Variants in PNLIP observed in about 807,000 individuals in gnomAD.
PNLIP encodes the protein pancreatic triacylglycerol lipase.
A neutral mutation model predicts 57.1 loss-of-function variants in PNLIP; 49 were observed. That is an observed-to-expected ratio of 0.86 (90% confidence interval 0.68 to 1.09). The LOEUF is 1.09. Among genes scored for constraint, PNLIP ranks in the 50% least tolerant of loss-of-function variants. The pLI is 0.00. For missense variants in PNLIP, 503 were observed against 570.2 expected, an observed-to-expected ratio of 0.88 and a Z score of 1.20; for synonymous variants, 209 against 200.4, an observed-to-expected ratio of 1.04 and a Z score of -0.36.
intron 12 of PNLIP, among the ~76,000 whole-genome samples, chr10:116,563,132 T>C (rs1847331398): frequency 6.6e-6 from 1 of 152,210 alleles, no homozygotes. Flanking sequence ...TAAACCTGTA[T>C]CCATTTGCTT....
At chr10:116,558,457 G>T (rs1455781248) in intron 9 of PNLIP, among the ~76,000 whole-genome samples, 1 of 151,840 alleles carries the variant, frequency 6.6e-6, no homozygotes, top group Admixed American at 6.6e-5. Context: ...GCCTCCCAAA[G>T]TGCTGGGATT....
Position 116,553,753 on chromosome 10 carries a change from T to A in PNLIP, c.486T>A (p.Asn162Lys), listed in dbSNP as rs2915748. Residue 162 changes from asparagine to lysine, a missense_variant, in exon 6 of 13, where the codon AAT becomes AAA. Coordinates refer to ENST00000369221, the MANE Select transcript of PNLIP (RefSeq NM_000936.4). ...CGGCGTTCGGTTACTCACCTTCCAA[T>A]GTGCATGTCATTGGCCACAGCCTGG... ...LQSAFGYSPSNVHVIGHSLGA... is the reference protein window; with the variant it reads ...LQSAFGYSPSKVHVIGHSLGA... The A allele has an allele frequency of 3.1e-6, 5 of 1,612,586 alleles. No individual in the cohort carries two copies. The African/African-American group carries it at 5.3e-5, about 17-fold the overall frequency.
intron 9 of PNLIP, among the ~76,000 whole-genome samples, chr10:116,556,730 G>GTT (rs375653295): frequency 2.1e-5 from 3 of 145,182 alleles, no homozygotes; most frequent in African/African-American, 7.6e-5. Flanking sequence ...TATTGTCTGG[G>GTT]TTTTTTTTTT....
At chr10:116,563,989 G>A (rs914114725) in intron 12 of PNLIP, among the ~76,000 whole-genome samples, 5 of 152,070 alleles carry the variant, frequency 3.3e-5, no homozygotes, top group African/African-American at 1.2e-4. Flanking sequence ...CCCTAACAAA[G>A]AAGGGACAGA....
rs768822207 is a variant in PNLIP at position 116,555,285 on chromosome 10, G to A, written c.679G>A (p.Val227Ile). The A allele has an allele frequency of 6.2e-7, 1 of 1,614,156 alleles. No homozygotes were observed. The highest frequency in any genetic ancestry group is 1.1e-5 in the South Asian group (1 of 91,076). ...AATTCACACGGATGGTGCCCCCATAGTCCCCAATTTGGGTGAGTTCCTCAA... is the reference window on the plus strand; with the variant it reads ...AATTCACACGGATGGTGCCCCCATAATCCCCAATTTGGGTGAGTTCCTCAA... The part of the protein sequence containing the change: ...DVIHTDGAPI[V>I]PNLGFGMSQV... The change falls in exon 7 of 13, where the codon GTC (valine) becomes ATC (isoleucine). Residue 227 changes from valine to isoleucine, a missense_variant. Val to Ile is a conservative substitution (Grantham distance 29). Coordinates refer to ENST00000369221, the MANE Select transcript of PNLIP (RefSeq NM_000936.4).
rs767678947 is a variant in PNLIP, at chr10:116,551,211, A to G, written c.438A>G (p.Ala146=). 2 of 1,610,600 alleles carry G rather than the reference A, an allele frequency of 1.2e-6. No individual in the cohort carries two copies. The highest frequency in any genetic ancestry group is 8.5e-7 in the Non-Finnish European group (1 of 1,178,532). The change falls in exon 5 of 13, where the codon GCA becomes GCG. Residue 146 remains alanine, a synonymous_variant. Transcript: ENST00000369221. ...TCAGGATCGTGGGAGCAGAAGTGGC[A>G]TATTTTGTTGAATTTCTTCAGGTAA... ...QNIRIVGAEV[A]YFVEFLQSAF... is the part of the protein sequence containing the mutation.
intron 12 of PNLIP, among the ~76,000 whole-genome samples, chr10:116,567,516 A>G (rs186449408): frequency 5.9e-5 from 9 of 152,286 alleles, no homozygotes; most frequent in Admixed American, 1.3e-4. Flanking sequence ...GTCTACTGAC[A>G]GCTTCTCTCT....
At position 116,551,170 on chromosome 10, in the gene PNLIP, CA is replaced by C. The variant is rs756545123; in HGVS notation, c.399del (p.Ala134ProfsTer72). 1.2e-6 allele frequency: 2 copies of C among 1,612,598 alleles called. No homozygotes were observed. On this transcript the variant is annotated frameshift_variant, in exon 5 of 13. Transcript: ENST00000369221. LOFTEE classifies it high-confidence loss of function. ...WKGGSRTGYT[Q>X]ASQNIRIVGA... Reference sequence around the variant, plus strand: ...AGGTGGCTCCCGAACTGGATACACACAAGCCTCGCAGAACATCAGGATCGTG... The same window carrying C: ...AGGTGGCTCCCGAACTGGATACACACAGCCTCGCAGAACATCAGGATCGTG...
intron 4 of PNLIP, among the ~76,000 whole-genome samples, chr10:116,549,372 A>T (rs1043781405): frequency 4.9e-4 from 74 of 152,058 alleles, no homozygotes; most frequent in African/African-American, 1.7e-3. Context: ...CCAGCTACTC[A>T]GGAGGCTGAG....
chr10:116,548,244 T>C (rs1847152053), intron 3 of PNLIP, 116 bp from the exon 4 acceptor site: 3 of 926,732 alleles, frequency 3.2e-6, no homozygotes, highest in Non-Finnish European at 3.3e-6. Context: ...GGAGGAATCA[T>C]TATTCACAAG....
intron 5 of PNLIP, 39 bp from the exon 6 acceptor site, chr10:116,553,688 G>A: frequency 1.6e-6 from 2 of 1,231,922 alleles, no homozygotes; most frequent in Non-Finnish European, 2.4e-6. Context: ...ACTCATGACT[G>A]CACTTGAAAA....
At chr10:116,546,454 C>G (rs989390305) in intron 2 of PNLIP, among the ~76,000 whole-genome samples, 4 of 152,160 alleles carry the variant, frequency 2.6e-5, no homozygotes, top group Non-Finnish European at 4.4e-5. Flanking sequence ...AATCTAGCAA[C>G]CCTGACATCA....
At chr10:116,553,456 T>C (rs922563594) in intron 5 of PNLIP, among the ~76,000 whole-genome samples, 5 of 152,206 alleles carry the variant, frequency 3.3e-5, no homozygotes, top group South Asian at 2.1e-4. Flanking sequence ...TTAGATATAT[T>C]TGGATACACA....
In PNLIP at chr10:116,560,533, A is replaced by T. The variant is rs1847303500; in HGVS notation, c.1169+9A>T. Reference sequence around the variant, plus strand: ...CAGTATGAAATTTTCAAGTGAGTAAAATAATATTGCTCTATGCTTTTTTTT... The same window carrying T: ...CAGTATGAAATTTTCAAGTGAGTAATATAATATTGCTCTATGCTTTTTTTT... On this transcript the variant is annotated intron_variant, in intron 11 of 12. Transcript: ENST00000369221. 7.9e-7 allele frequency: 1 copy of T among 1,261,718 alleles called. No homozygotes were observed. Among genetic ancestry groups the T allele is most frequent in the Admixed American group, 2.0e-5 (1 of 51,170 alleles). 78.2% of individuals were successfully genotyped at this position (1,261,718 alleles called of 1,614,324 possible). A position where few individuals can be genotyped will look rare whatever the true frequency, so the allele number is the denominator to read the frequency against.
chr10:116,549,489 C>CA lies in PNLIP; in HGVS notation c.324+1014dup, dbSNP rs557261001. On this transcript the variant is annotated intron_variant, in intron 4 of 12. Coordinates refer to ENST00000369221, the MANE Select transcript of PNLIP (RefSeq NM_000936.4). Reference sequence around the variant, plus strand: ...GCAAGATTCCGTCTCAAAAAAAAAACAAAAAAAGACACAAAGGTCCTCCTA... The same window carrying CA: ...GCAAGATTCCGTCTCAAAAAAAAAACAAAAAAAAGACACAAAGGTCCTCCTA... 5.4e-3 allele frequency among the ~76,000 whole-genome samples: 812 copies of CA among 151,120 alleles called. 2 individuals are homozygous for CA. Among genetic ancestry groups the CA allele is most frequent in the Non-Finnish European group, 7.4e-3 (498 of 67,676 alleles).
At chr10:116,563,874 GA>G (rs993875918) in intron 12 of PNLIP, among the ~76,000 whole-genome samples, 2 of 151,998 alleles carry the variant, frequency 1.3e-5, no homozygotes, top group Non-Finnish European at 2.9e-5. Context: ...AATACACAGA[GA>G]AAAAAATCTT....
chr10:116,556,217 A>G, intron 9 of PNLIP, 99 bp downstream of exon 9: 3 of 708,318 alleles, frequency 4.2e-6, no homozygotes, highest in South Asian at 1.7e-5. Flanking sequence ...GAATGTTTAT[A>G]CTTTTGAACT....
intron 10 of PNLIP, 119 bp from the exon 11 acceptor site, chr10:116,560,297 A>C: frequency 3.3e-6 from 2 of 601,190 alleles, no homozygotes; most frequent in Non-Finnish European, 6.0e-6. Context: ...ACACACACAC[A>C]CACACACACA....
At position 116,561,646 on chromosome 10, in the gene PNLIP, GA is replaced by G; in HGVS notation, c.1334+14del. 6.2e-7 allele frequency: 1 copy of G among 1,601,542 alleles called. No individual in the cohort carries two copies. The highest frequency in any genetic ancestry group is 1.1e-5 in the South Asian group (1 of 88,990). ...CAAATGTTGGAAAACAGTAAGTAAT[GA>G]AAATCCCAGGAGATGTGAAATATCG... On this transcript the variant is annotated intron_variant, in intron 12 of 12. Coordinates refer to ENST00000369221, the MANE Select transcript of PNLIP (RefSeq NM_000936.4).
Sources: allele counts gnomAD v4.1 joint callset (sites outside exome capture counted in the v4.1 genomes callset), GRCh38; gene constraint gnomAD v4.1.1; transcripts MANE v1.5; gene names NCBI Gene and HGNC (gene_info 2026-07-23, HGNC 2026-07-21).